LEKR1: variants seen among roughly 807,000 people sequenced by gnomAD.
LEKR1 encodes protein LEKR1.
A neutral mutation model predicts 72.4 loss-of-function variants in LEKR1; 59 were observed. The observed-to-expected ratio is 0.82, with a 90% CI of 0.66 to 1.01. The LOEUF is 1.01. Ranked by LOEUF, LEKR1 falls within the 50% of genes least tolerant of loss-of-function variation. LEKR1 has a pLI of 0.00. For synonymous variants in LEKR1, 257 were observed against 263.2 expected, an observed-to-expected ratio of 0.98 and a Z score of 0.23; for missense variants, 728 against 759.2, an observed-to-expected ratio of 0.96 and a Z score of 0.48.
chr3:156,876,299 G>A (rs1420488295), intron 3 of LEKR1, among the ~76,000 whole-genome samples: 2 of 152,076 alleles, frequency 1.3e-5, no homozygotes, highest in Non-Finnish European at 2.9e-5. Context: ...GCCTAGACTG[G>A]CTTTAGCTGT....
At chr3:156,878,417 C>T (rs892295460) in intron 3 of LEKR1, among the ~76,000 whole-genome samples, 5 of 152,142 alleles carry the variant, frequency 3.3e-5, no homozygotes, top group Non-Finnish European at 7.4e-5. Flanking sequence ...ACTTAATTTC[C>T]ATGTACTTGT....
intron 9 of LEKR1, among the ~76,000 whole-genome samples, chr3:157,002,418 C>T (rs1732086685): frequency 6.6e-6 from 1 of 151,944 alleles, no homozygotes; most frequent in Admixed American, 6.5e-5. Context: ...TGTGAGCAGC[C>T]CCATGGTTGT....
intron 3 of LEKR1, among the ~76,000 whole-genome samples, chr3:156,870,282 G>T (rs552288436): frequency 1.3e-5 from 2 of 151,988 alleles, no homozygotes; most frequent in Non-Finnish European, 2.9e-5. Flanking sequence ...TCTGTAGATT[G>T]CTTTGGTCAT....
chr3:156,927,628 T>C, intron 5 of LEKR1, 24 bp downstream of exon 5: 1 of 1,038,370 alleles, frequency 9.6e-7, no homozygotes, highest in Non-Finnish European at 1.2e-6. Flanking sequence ...ATTTAGAATA[T>C]AATTGTCCCT....
intron 3 of LEKR1, among the ~76,000 whole-genome samples, chr3:156,917,049 T>A (rs1723723211): frequency 6.6e-6 from 1 of 151,940 alleles, no homozygotes. Context: ...ACACTAGAAT[T>A]GATATCCTCA....
intron 3 of LEKR1, among the ~76,000 whole-genome samples, chr3:156,857,301 A>T (rs948098276): frequency 4.6e-5 from 7 of 152,092 alleles, no homozygotes; most frequent in African/African-American, 1.7e-4. Context: ...GGGTTCCCAA[A>T]GTCTCATGTA....
At chr3:156,932,894 GT>G (rs1247229536) in intron 5 of LEKR1, among the ~76,000 whole-genome samples, 1 of 152,034 alleles carries the variant, frequency 6.6e-6, no homozygotes, top group Non-Finnish European at 1.5e-5. Context: ...GCCAGGCGTG[GT>G]GGCGGGCACC....
intron 3 of LEKR1, among the ~76,000 whole-genome samples, chr3:156,872,037 G>A (rs996361765): frequency 4.0e-5 from 6 of 151,558 alleles, no homozygotes; most frequent in African/African-American, 1.5e-4. Flanking sequence ...TTGAAAGTTA[G>A]GAATAGTTCA....
At chr3:156,982,006 T>C (rs1436399971) in intron 7 of LEKR1, among the ~76,000 whole-genome samples, 1 of 152,190 alleles carries the variant, frequency 6.6e-6, no homozygotes, top group Non-Finnish European at 1.5e-5. Context: ...TTTTTAAATA[T>C]TTGGATATAA....
At chr3:157,028,881 C>G (rs1431776316) in intron 12 of LEKR1, among the ~76,000 whole-genome samples, 2 of 152,108 alleles carry the variant, frequency 1.3e-5, no homozygotes, top group Non-Finnish European at 2.9e-5. Flanking sequence ...GGTTTTCTTT[C>G]TTATGTATGT....
intron 6 of LEKR1, among the ~76,000 whole-genome samples, chr3:156,978,300 A>C (rs535963560): frequency 6.6e-6 from 1 of 152,352 alleles, no homozygotes; most frequent in Non-Finnish European, 1.5e-5. Context: ...ATATGGATGC[A>C]TAAAGATTTT....
At position 157,016,667 on chromosome 3, in the gene LEKR1, C is replaced by G. The variant is rs766312937; in HGVS notation, c.1203+5161C>G. Among the ~76,000 whole-genome samples, 4 of 152,140 alleles carry G rather than the reference C, an allele frequency of 2.6e-5. No homozygotes were observed. The South Asian group carries it at 8.3e-4, about 32-fold the overall frequency. On this transcript the variant is annotated intron_variant, in intron 10 of 12. Transcript: ENST00000356539. ...ATGTAGAAAACCAGAAATAGTAACA[C>G]TGTGGGTAAAGATATGGGGTGTTTT...
rs143075553 is a variant in LEKR1 at position 156,847,551 on chromosome 3, G to C, written c.49-5217G>C. Among the ~76,000 whole-genome samples, 31 of 152,276 alleles carry C rather than the reference G, an allele frequency of 2.0e-4. No homozygotes were observed. The East Asian group carries it at 4.6e-3, about 23-fold the overall frequency. On this transcript the variant is annotated intron_variant, in intron 2 of 12. Coordinates refer to ENST00000356539, the MANE Select transcript of LEKR1 (RefSeq NM_001004316.3). ...TACTTCATTTGGGAACATAATTACAGTATTTCATATCTTCTCAAGTTTCAC... is the reference window on the plus strand; with the variant it reads ...TACTTCATTTGGGAACATAATTACACTATTTCATATCTTCTCAAGTTTCAC...
At chr3:156,896,168 G>A (rs143895897) in intron 3 of LEKR1, among the ~76,000 whole-genome samples, 1 of 152,246 alleles carries the variant, frequency 6.6e-6, no homozygotes, top group Non-Finnish European at 1.5e-5. Flanking sequence ...GAGAACACAT[G>A]GGGGGAAAGA....
chr3:156,826,649 C>T, intron 1 of LEKR1: 1 of 155,684 alleles, frequency 6.4e-6, no homozygotes, highest in Non-Finnish European at 1.5e-5. Context: ...CCCTCCTCCT[C>T]CTCCTCTTCC....
intron 1 of LEKR1, among the ~76,000 whole-genome samples, chr3:156,828,679 T>A (rs1711969599): frequency 6.6e-6 from 1 of 152,180 alleles, no homozygotes; most frequent in Non-Finnish European, 1.5e-5. Flanking sequence ...TGGCTTTTAT[T>A]AGAAAAAGAA....
chr3:157,006,304 CACT>C (rs1436986140), intron 9 of LEKR1, among the ~76,000 whole-genome samples: 1 of 152,176 alleles, frequency 6.6e-6, no homozygotes, highest in Non-Finnish European at 1.5e-5. Context: ...CGCGCCCGGC[CACT>C]ACTATACATT....
chr3:157,037,926 G>T (rs1295646472), intron 12 of LEKR1, among the ~76,000 whole-genome samples: 4 of 152,186 alleles, frequency 2.6e-5, no homozygotes. Context: ...CCACAAGGAA[G>T]TCAGCAAGCA....
At chr3:156,879,463 C>T (rs761429584) in intron 3 of LEKR1, among the ~76,000 whole-genome samples, 2 of 151,944 alleles carry the variant, frequency 1.3e-5, no homozygotes, top group Admixed American at 6.6e-5. Flanking sequence ...AAAAGCATTC[C>T]GTTTTCAAAG....
Sources: allele counts gnomAD v4.1 joint callset (sites outside exome capture counted in the v4.1 genomes callset), GRCh38; gene constraint gnomAD v4.1.1; transcripts MANE v1.5; gene names NCBI Gene and HGNC (gene_info 2026-07-23, HGNC 2026-07-21).